Variants in PRELID2 observed in about 807,000 individuals in gnomAD.
The protein encoded by PRELID2 is PRELI domain-containing protein 2.
In PRELID2, 25 loss-of-function variants were observed where a neutral mutation model predicts 28.4. That is an observed-to-expected ratio of 0.88 (90% confidence interval 0.64 to 1.23). The LOEUF is 1.23. Ranked by LOEUF, PRELID2 falls within the 50% of genes most tolerant of loss-of-function variation. PRELID2 has a pLI of 0.00. For synonymous variants in PRELID2, 76 were observed against 71.6 expected, an observed-to-expected ratio of 1.06 and a Z score of -0.31; for missense variants, 201 against 214.4, an observed-to-expected ratio of 0.94 and a Z score of 0.39.
chr5:145,598,880 T>C (rs185122196), intron 1 of PRELID2, among the ~76,000 whole-genome samples: 1 of 152,312 alleles, frequency 6.6e-6, no homozygotes, highest in African/African-American at 2.4e-5. Context: ...AGAAAGAGTT[T>C]GCTAAAGAGA....
At chr5:145,814,712 A>C (rs73794446) in intron 4 of PRELID2, among the ~76,000 whole-genome samples, 4,905 of 145,688 alleles carry the variant, frequency 0.034, 276 homozygotes, top group African/African-American at 0.13. Context: ...GAATAATAAC[A>C]AAAAAAAACA....
chr5:145,546,657 C>A (rs1368875211), intron 1 of PRELID2, among the ~76,000 whole-genome samples: 1 of 152,154 alleles, frequency 6.6e-6, no homozygotes, highest in African/African-American at 2.4e-5. Context: ...TCAGGTAGAG[C>A]AGAGATGGAA....
intron 1 of PRELID2, among the ~76,000 whole-genome samples, chr5:145,723,283 T>C (rs1756041596): frequency 6.6e-6 from 1 of 152,220 alleles, no homozygotes; most frequent in Non-Finnish European, 1.5e-5. Context: ...ACCATGATTC[T>C]GTAGCCACAG....
intron 1 of PRELID2, among the ~76,000 whole-genome samples, chr5:145,684,866 G>A (rs1755005378): frequency 6.6e-6 from 1 of 152,106 alleles, no homozygotes; most frequent in Non-Finnish European, 1.5e-5. Flanking sequence ...TGGAGTCTAA[G>A]GTCAATGCCA....
rs1305761829 is a variant in PRELID2 at position 145,558,003 on chromosome 5, C to A, written n.71-84688G>T. Among the ~76,000 whole-genome samples, 3 of 152,084 alleles carry A rather than the reference C, an allele frequency of 2.0e-5. No individual in the cohort carries two copies. The South Asian group carries it at 6.2e-4, about 32-fold the overall frequency. On this transcript the variant is annotated intron_variant and non_coding_transcript_variant, in intron 1 of 2. Coordinates refer to the PRELID2 transcript ENST00000510259. ...CTTCTTATAAAATAGAATCAGAGGT[C>A]CCTAAATAGATCAAGAAATGAAATT...
chr5:145,479,629 A>G (rs1305612649), intron 1 of PRELID2, among the ~76,000 whole-genome samples: 1 of 152,208 alleles, frequency 6.6e-6, no homozygotes, highest in Non-Finnish European at 1.5e-5. Flanking sequence ...GGTGCACAGT[A>G]AGTGCTCAGT....
chr5:145,558,367 A>G (rs541642826), intron 1 of PRELID2, among the ~76,000 whole-genome samples: 2 of 152,366 alleles, frequency 1.3e-5, no homozygotes, highest in Non-Finnish European at 2.9e-5. Context: ...GTTCATTACC[A>G]GTGATTTGAC....
At chr5:145,383,959 T>G in the PRELID2 span, among the ~76,000 whole-genome samples, 1 of 152,100 alleles carries the variant, frequency 6.6e-6, no homozygotes, top group Non-Finnish European at 1.5e-5. Flanking sequence ...ACATAATACA[T>G]TTTTACAAAT....
At chr5:145,738,989 T>A (rs1756573562) in intron 1 of PRELID2, among the ~76,000 whole-genome samples, 1 of 152,124 alleles carries the variant, frequency 6.6e-6, no homozygotes. Context: ...GGATTTATCA[T>A]CAGAAACCAT....
At chr5:145,315,112 C>G in the PRELID2 span, among the ~76,000 whole-genome samples, 14 of 144,612 alleles carry the variant, frequency 9.7e-5, no homozygotes, top group African/African-American at 3.6e-4. Flanking sequence ...CTCTGTCACC[C>G]AGGCTGGAGT....
At chr5:145,798,403 G>A (rs1752905313) in intron 4 of PRELID2, among the ~76,000 whole-genome samples, 2 of 152,106 alleles carry the variant, frequency 1.3e-5, no homozygotes, top group Non-Finnish European at 2.9e-5. Context: ...CTTCAACTAG[G>A]ATAAATACAA....
chr5:145,402,291 C>T, the PRELID2 span, among the ~76,000 whole-genome samples: 1 of 152,130 alleles, frequency 6.6e-6, no homozygotes, highest in African/African-American at 2.4e-5. Context: ...AAGCTGTATG[C>T]TCCTTGGACT....
chr5:145,654,442 C>CA (rs1004052624), intron 1 of PRELID2, among the ~76,000 whole-genome samples: 2 of 151,952 alleles, frequency 1.3e-5, no homozygotes, highest in Non-Finnish European at 2.9e-5. Flanking sequence ...AGAGACACAA[C>CA]AAAAAAAGAG....
chr5:145,507,808 TG>T (rs1181072149), intron 1 of PRELID2, among the ~76,000 whole-genome samples: 3 of 152,190 alleles, frequency 2.0e-5, no homozygotes. Flanking sequence ...TGGAGCCAGA[TG>T]GAGTCCTTTT....
At chr5:145,505,024 T>A (rs1752393922) in intron 1 of PRELID2, among the ~76,000 whole-genome samples, 2 of 152,138 alleles carry the variant, frequency 1.3e-5, no homozygotes, top group African/African-American at 4.8e-5. Flanking sequence ...CCTATTCTCC[T>A]TAATCCACTA....
the PRELID2 span, among the ~76,000 whole-genome samples, chr5:145,359,280 T>C: frequency 6.6e-6 from 1 of 152,112 alleles, no homozygotes; most frequent in East Asian, 1.9e-4. Flanking sequence ...AGAAACAGGA[T>C]TTGCCAGAAT....
At chr5:145,243,506 A>G in the PRELID2 span, among the ~76,000 whole-genome samples, 1 of 152,018 alleles carries the variant, frequency 6.6e-6, no homozygotes, top group Admixed American at 6.6e-5. Context: ...TTAGCACCTC[A>G]ATTTTGTTTT....
At chr5:145,745,952 G>C (rs1756980519) in intron 1 of PRELID2, among the ~76,000 whole-genome samples, 1 of 152,104 alleles carries the variant, frequency 6.6e-6, no homozygotes, top group Non-Finnish European at 1.5e-5. Flanking sequence ...ATCCTTTCCA[G>C]ACAAGCAAAT....
intron 1 of PRELID2, among the ~76,000 whole-genome samples, chr5:145,658,463 TA>T (rs1754432991): frequency 6.6e-6 from 1 of 152,190 alleles, no homozygotes; most frequent in Non-Finnish European, 1.5e-5. Flanking sequence ...AGGTGGGGCC[TA>T]GTGGAAAGTA....
Sources: allele counts gnomAD v4.1 joint callset (sites outside exome capture counted in the v4.1 genomes callset), GRCh38; gene constraint gnomAD v4.1.1; transcripts MANE v1.5; gene names NCBI Gene and HGNC (gene_info 2026-07-23, HGNC 2026-07-21).